RAB3C: variants seen among roughly 807,000 people sequenced by gnomAD.
RAB3C encodes ras-related protein Rab-3C.
In RAB3C, 17 loss-of-function variants were observed where a neutral mutation model predicts 26.4. The ratio of observed to expected loss-of-function variants is 0.64; its 90% confidence interval spans 0.44 to 0.97. The LOEUF (loss-of-function observed/expected upper bound fraction) is 0.97, where lower values mean the gene tolerates loss of function less well. Among genes scored for constraint, RAB3C ranks in the 50% least tolerant of loss-of-function variants. RAB3C has a pLI of 0.00. For missense variants in RAB3C, 242 were observed against 281.9 expected (o/e 0.86, Z 1.01); for synonymous variants, 91 against 95.9 (o/e 0.95, Z 0.30).
intron 3 of RAB3C, among the ~76,000 whole-genome samples, chr5:58,780,365 G>A (rs571802867): frequency 2.0e-5 from 3 of 152,134 alleles, no homozygotes; most frequent in African/African-American, 4.8e-5. Flanking sequence ...GCCTCGCAAC[G>A]CTGAAAGATA....
intron 3 of RAB3C, among the ~76,000 whole-genome samples, chr5:58,733,857 A>T (rs980170871): frequency 1.3e-5 from 2 of 152,208 alleles, no homozygotes; most frequent in Admixed American, 1.3e-4. Context: ...TTTGAACTTG[A>T]TTTAAAATCT....
At chr5:58,683,746 C>A (rs775671276) in intron 2 of RAB3C, among the ~76,000 whole-genome samples, 14 of 152,176 alleles carry the variant, frequency 9.2e-5, no homozygotes, top group Non-Finnish European at 1.6e-4. Context: ...GGACATGAGT[C>A]ATCCCTTTGT....
chr5:58,611,697 T>A (rs1746704860), intron 1 of RAB3C, among the ~76,000 whole-genome samples: 1 of 152,198 alleles, frequency 6.6e-6, no homozygotes, highest in Admixed American at 6.5e-5. Flanking sequence ...TTCACTCTGT[T>A]GGTAGTTTCT....
chr5:58,768,874 A>G (rs141162993), intron 3 of RAB3C, among the ~76,000 whole-genome samples: 38 of 152,276 alleles, frequency 2.5e-4, no homozygotes, highest in African/African-American at 8.4e-4. Context: ...TAATACTTGC[A>G]TTTCAATAAA....
chr5:58,828,763 T>A (rs1743544267), intron 4 of RAB3C, among the ~76,000 whole-genome samples: 1 of 152,208 alleles, frequency 6.6e-6, no homozygotes, highest in Admixed American at 6.5e-5. Context: ...TCTACATTTT[T>A]AACAAGCATT....
intron 2 of RAB3C, among the ~76,000 whole-genome samples, chr5:58,675,859 G>GCT (rs1748214182): frequency 1.3e-5 from 2 of 152,070 alleles, no homozygotes; most frequent in African/African-American, 4.8e-5. Context: ...GTTGGCGTCA[G>GCT]CTTTCCCCTC....
intron 3 of RAB3C, among the ~76,000 whole-genome samples, chr5:58,783,979 A>T (rs568078911): frequency 6.6e-6 from 1 of 152,278 alleles, no homozygotes; most frequent in East Asian, 1.9e-4. Flanking sequence ...TGAGCCAGGA[A>T]TCTGTGGGTG....
intron 1 of RAB3C, among the ~76,000 whole-genome samples, chr5:58,590,801 T>A (rs549716560): frequency 4.3e-4 from 65 of 152,262 alleles, no homozygotes; most frequent in African/African-American, 1.5e-3. Flanking sequence ...TGCTTCAGCC[T>A]CCCAAAGTGC....
At position 58,593,886 on chromosome 5, in the gene RAB3C, G is replaced by A. The variant is rs1277856513; in HGVS notation, c.24+10654G>A. On this transcript the variant is annotated intron_variant, in intron 1 of 4. Coordinates refer to ENST00000282878, the MANE Select transcript of RAB3C (RefSeq NM_138453.4). The stretch of plus-strand genomic sequence containing the variant: ...TGCTGTACTCTCCAGCAAGCTGGTT[G>A]GCTTGGGGATAGTATTAGTAACTTA... Among the ~76,000 whole-genome samples, 3 of 152,306 alleles carry A rather than the reference G, an allele frequency of 2.0e-5. No homozygotes were observed. The East Asian group carries it at 5.8e-4, about 29-fold the overall frequency.
At chr5:58,841,683 T>C (rs993111807) in intron 4 of RAB3C, among the ~76,000 whole-genome samples, 1 of 152,134 alleles carries the variant, frequency 6.6e-6, no homozygotes, top group African/African-American at 2.4e-5. Context: ...TAGGTGTTTG[T>C]GGTGGCAGTG....
At chr5:58,833,361 C>T (rs947129414) in intron 4 of RAB3C, among the ~76,000 whole-genome samples, 1 of 151,054 alleles carries the variant, frequency 6.6e-6, no homozygotes, top group Non-Finnish European at 1.5e-5. Context: ...CACACACACA[C>T]ATATTAAGTA....
At chr5:58,630,930 G>C (rs909969467) in intron 2 of RAB3C, among the ~76,000 whole-genome samples, 4 of 152,158 alleles carry the variant, frequency 2.6e-5, no homozygotes, top group Non-Finnish European at 5.9e-5. Flanking sequence ...ACTCCTATAT[G>C]CTGGCAGATT....
intron 2 of RAB3C, among the ~76,000 whole-genome samples, chr5:58,651,665 G>A (rs958350003): frequency 1.3e-5 from 2 of 152,008 alleles, no homozygotes; most frequent in African/African-American, 4.8e-5. Flanking sequence ...AACAAACATC[G>A]TTTAGCACCT....
chr5:58,682,831 T>C (rs548471575), intron 2 of RAB3C, among the ~76,000 whole-genome samples: 1 of 152,320 alleles, frequency 6.6e-6, no homozygotes, highest in African/African-American at 2.4e-5. Context: ...CACCCTTCCA[T>C]GAATCCATAT....
chr5:58,650,511 G>A (rs1038004492), intron 2 of RAB3C, among the ~76,000 whole-genome samples: 1 of 152,164 alleles, frequency 6.6e-6, no homozygotes, highest in African/African-American at 2.4e-5. Flanking sequence ...GGTTTAACTG[G>A]TTGAATAAGG....
At chr5:58,782,883 A>G (rs922062627) in intron 3 of RAB3C, among the ~76,000 whole-genome samples, 1 of 152,090 alleles carries the variant, frequency 6.6e-6, no homozygotes, top group Non-Finnish European at 1.5e-5. Flanking sequence ...TCAGATTTAA[A>G]ATATGAAGGC....
intron 3 of RAB3C, among the ~76,000 whole-genome samples, chr5:58,756,329 A>ATAACTAC (rs1203427114): frequency 2.4e-3 from 333 of 138,932 alleles, no homozygotes; most frequent in African/African-American, 9.6e-3. Flanking sequence ...ATATATATAT[A>ATAACTAC]TATATAACAT....
chr5:58,587,669 A>G (rs1208802332), intron 1 of RAB3C, among the ~76,000 whole-genome samples: 1 of 152,242 alleles, frequency 6.6e-6, no homozygotes, highest in African/African-American at 2.4e-5. Context: ...ACCATTATAA[A>G]GATATAGAAC....
intron 3 of RAB3C, among the ~76,000 whole-genome samples, chr5:58,729,743 A>G (rs1252039460): frequency 7.0e-6 from 1 of 142,478 alleles, no homozygotes; most frequent in African/African-American, 2.8e-5. Context: ...TGTATTTTAT[A>G]TTTATATTTA....
Sources: allele counts gnomAD v4.1 joint callset (sites outside exome capture counted in the v4.1 genomes callset), GRCh38; gene constraint gnomAD v4.1.1; transcripts MANE v1.5; gene names NCBI Gene and HGNC (gene_info 2026-07-23, HGNC 2026-07-21).